Variants in CACNA1A observed in about 807,000 individuals in gnomAD.
CACNA1A encodes calcium voltage-gated channel subunit alpha1 A.
CACNA1A carries 57 observed loss-of-function variants against 262.4 expected under a neutral mutation model. That is an observed-to-expected ratio of 0.22 (90% CI 0.18 to 0.27). CACNA1A has a LOEUF of 0.27. Ranked by LOEUF, CACNA1A falls within the 10% of genes least tolerant of loss-of-function variation. The pLI is 1.00. For missense variants in CACNA1A, 2,526 were observed against 3,562.8 expected, an observed-to-expected ratio of 0.71 and a Z score of 7.41; for synonymous variants, 1,431 against 1,419.3, an observed-to-expected ratio of 1.01 and a Z score of -0.18.
At chr19:13,413,895 A>AAAAG (rs57341945) in intron 3 of CACNA1A, among the ~76,000 whole-genome samples, 13,695 of 119,044 alleles carry the variant, frequency 0.12, 1,072 homozygotes, top group Middle Eastern at 0.16. Flanking sequence ...GAAAGAAAGA[A>AAAAG]AAAGAAAGAA....
At chr19:13,317,606 A>C (rs1256468581) in intron 10 of CACNA1A, among the ~76,000 whole-genome samples, 1 of 152,208 alleles carries the variant, frequency 6.6e-6, no homozygotes, top group Non-Finnish European at 1.5e-5. Flanking sequence ...ACTCCCAGCC[A>C]CATCTGATGC....
intron 3 of CACNA1A, among the ~76,000 whole-genome samples, chr19:13,420,311 C>A (rs2144781162): frequency 6.6e-6 from 1 of 151,718 alleles, no homozygotes. Flanking sequence ...TTAAGTAAAG[C>A]AGTGAATTGA....
At chr19:13,472,880 T>C (rs8113488) in intron 1 of CACNA1A, among the ~76,000 whole-genome samples, 48,448 of 151,972 alleles carry the variant, frequency 0.32, 10,194 homozygotes, top group African/African-American at 0.58. Context: ...TCTGCAAGTA[T>C]AATTAAATTA....
intron 1 of CACNA1A, among the ~76,000 whole-genome samples, chr19:13,490,762 A>G (rs1238957727): frequency 6.8e-6 from 1 of 147,482 alleles, no homozygotes; most frequent in East Asian, 1.9e-4. Context: ...AGAAGGAAGA[A>G]GAGAGGAAGG....
At chr19:13,352,792 C>T (rs62109121) in intron 6 of CACNA1A, among the ~76,000 whole-genome samples, 15,500 of 152,140 alleles carry the variant, frequency 0.1, 918 homozygotes, top group Admixed American at 0.17. Flanking sequence ...CTTCTTCTCT[C>T]GTGCAGCTTT....
intron 3 of CACNA1A, among the ~76,000 whole-genome samples, chr19:13,428,252 T>C (rs982558990): frequency 6.6e-6 from 1 of 152,200 alleles, no homozygotes; most frequent in Non-Finnish European, 1.5e-5. Context: ...ATAGGCTCTT[T>C]AGAAGATTAA....
chr19:13,210,779 T>C (rs1248102783), intron 43 of CACNA1A, 127 bp from the exon 44 acceptor site: 3 of 950,154 alleles, frequency 3.2e-6, no homozygotes, highest in Non-Finnish European at 5.0e-6. Context: ...GGCACTGGCA[T>C]CAAGAGAAAT....
At chr19:13,254,368 CTT>C (rs559989685) in intron 29 of CACNA1A, among the ~76,000 whole-genome samples, 1 of 145,472 alleles carries the variant, frequency 6.9e-6, no homozygotes, top group Admixed American at 6.9e-5. Flanking sequence ...TTTTTCTTTT[CTT>C]TTTTTTTTTG....
intron 3 of CACNA1A, among the ~76,000 whole-genome samples, chr19:13,388,753 G>A (rs1166731582): frequency 6.6e-6 from 1 of 152,100 alleles, no homozygotes; most frequent in Non-Finnish European, 1.5e-5. Flanking sequence ...AGACAACTGA[G>A]AGAATGTTTA....
intron 6 of CACNA1A, among the ~76,000 whole-genome samples, chr19:13,359,273 T>C (rs760960537): frequency 1.5e-4 from 23 of 152,300 alleles, no homozygotes; most frequent in South Asian, 8.3e-4. Context: ...TCCAAAGATA[T>C]TACTCTATCT....
chr19:13,251,351 C>G (rs1208456898), intron 30 of CACNA1A, among the ~76,000 whole-genome samples: 1 of 150,772 alleles, frequency 6.6e-6, no homozygotes, highest in African/African-American at 2.4e-5. Context: ...GGTGTGGTGG[C>G]AGGCACCTGT....
At chr19:13,365,565 G>C in intron 4 of CACNA1A, 96 bp from the exon 5 acceptor site, 1 of 1,123,398 alleles carries the variant, frequency 8.9e-7, no homozygotes, top group Non-Finnish European at 1.3e-6. Context: ...CAAAGCAGGT[G>C]TGTTCCTGAG....
intron 1 of CACNA1A, among the ~76,000 whole-genome samples, chr19:13,503,433 A>C (rs923962544): frequency 9.2e-5 from 14 of 151,714 alleles, no homozygotes; most frequent in African/African-American, 3.2e-4. Flanking sequence ...AAGTACCTAC[A>C]CACTTTTTTT....
chr19:13,313,456 G>A (rs561099546), intron 11 of CACNA1A, among the ~76,000 whole-genome samples: 2 of 145,106 alleles, frequency 1.4e-5, no homozygotes, highest in East Asian at 2.1e-4. Flanking sequence ...GCCAAGATTG[G>A]GCCACCCTAC....
At chr19:13,397,816 G>A (rs1421708902) in intron 3 of CACNA1A, among the ~76,000 whole-genome samples, 2 of 152,152 alleles carry the variant, frequency 1.3e-5, no homozygotes, top group Non-Finnish European at 2.9e-5. Flanking sequence ...TTTCTCCTGT[G>A]CCCTTCTCAT....
intron 1 of CACNA1A, among the ~76,000 whole-genome samples, chr19:13,487,253 C>A (rs1057400620): frequency 1.3e-5 from 2 of 152,144 alleles, no homozygotes; most frequent in African/African-American, 4.8e-5. Context: ...AGAACATGGA[C>A]CTGCTGCTGG....
intron 30 of CACNA1A, among the ~76,000 whole-genome samples, chr19:13,249,352 C>T (rs1345822740): frequency 1.3e-5 from 2 of 151,996 alleles, no homozygotes; most frequent in Non-Finnish European, 2.9e-5. Context: ...GATCCCTTTC[C>T]TAGCATTTAT....
intron 6 of CACNA1A, among the ~76,000 whole-genome samples, chr19:13,354,130 T>C (rs978430068): frequency 6.6e-6 from 1 of 152,140 alleles, no homozygotes. Flanking sequence ...ACTGAAAGGA[T>C]GTTAAGAGAA....
intron 3 of CACNA1A, among the ~76,000 whole-genome samples, chr19:13,379,414 C>T (rs937722503): frequency 2.6e-5 from 4 of 152,082 alleles, no homozygotes; most frequent in Admixed American, 6.6e-5. Context: ...TTGCAATATT[C>T]GCTTTGTTAT....
Sources: gnomAD v4.1 joint callset for allele counts (sites outside exome capture counted in the v4.1 genomes callset) on GRCh38, gnomAD v4.1.1 for gene constraint, MANE v1.5 for transcripts, NCBI Gene and HGNC (gene_info 2026-07-23, HGNC 2026-07-21) for gene names.